The following IBTK variants were observed in gnomAD, a reference collection of about 807,000 sequenced individuals.
The protein encoded by IBTK is inhibitor of Bruton tyrosine kinase.
IBTK carries 83 observed loss-of-function variants against 154.9 expected under a neutral mutation model. The ratio of observed to expected loss-of-function variants is 0.54; its 90% CI spans 0.45 to 0.64. The LOEUF (loss-of-function observed/expected upper bound fraction) is 0.64, where lower values mean the gene tolerates loss of function less well. IBTK is among the 30% of genes least tolerant of loss of function. The pLI is 0.00. For synonymous variants in IBTK, 515 were observed against 536.1 expected, an observed-to-expected ratio of 0.96 and a Z score of 0.54; for missense variants, 1,332 against 1,584.6, an observed-to-expected ratio of 0.84 and a Z score of 2.71.
chr6:82,201,791 C>G (rs1769221340), intron 18 of IBTK, among the ~76,000 whole-genome samples: 1 of 151,734 alleles, frequency 6.6e-6, no homozygotes, highest in African/African-American at 2.4e-5. Context: ...GGTGCAATCT[C>G]AGCTCACTGC....
At chr6:82,206,455 C>T (rs1341271146) in intron 16 of IBTK, among the ~76,000 whole-genome samples, 1 of 152,056 alleles carries the variant, frequency 6.6e-6, no homozygotes, top group African/African-American at 2.4e-5. Context: ...AAGAAGAGTC[C>T]AGGACCAGAT....
At chr6:82,172,648 G>A in intron 27 of IBTK, 136 bp from the exon 28 acceptor site, 1 of 660,348 alleles carries the variant, frequency 1.5e-6, no homozygotes. Context: ...CTTTCACAGA[G>A]ATTACAGAAT....
intron 26 of IBTK, among the ~76,000 whole-genome samples, chr6:82,181,032 T>A (rs1285084275): frequency 2.0e-5 from 3 of 152,196 alleles, no homozygotes; most frequent in Admixed American, 6.5e-5. Context: ...GATTTTGATG[T>A]TTCATGTAGG....
intron 20 of IBTK, 131 bp from the exon 21 acceptor site, chr6:82,200,384 C>T: frequency 1.3e-6 from 1 of 750,118 alleles, no homozygotes; most frequent in Non-Finnish European, 2.2e-6. Flanking sequence ...GTTAGACCTA[C>T]AGATATTAAT....
chr6:82,193,899 G>A (rs570492047), intron 23 of IBTK, among the ~76,000 whole-genome samples: 34 of 151,844 alleles, frequency 2.2e-4, no homozygotes, highest in African/African-American at 8.0e-4. Context: ...CCAGGCTAGT[G>A]TCGAACTCCT....
intron 26 of IBTK, among the ~76,000 whole-genome samples, chr6:82,177,297 C>T (rs974544745): frequency 2.7e-4 from 41 of 152,286 alleles, no homozygotes; most frequent in Middle Eastern, 3.4e-3. Flanking sequence ...GCAACTTCCA[C>T]CTCCTGGGTT....
Position 82,185,684 on chromosome 6 carries a change from A to T in IBTK, c.3576-3656T>A, listed in dbSNP as rs180994083. Among the ~76,000 whole-genome samples the T allele has an allele frequency of 1.6e-3, 248 of 152,096 alleles. 1 individual carries two copies. Among genetic ancestry groups the T allele is most frequent in the African/African-American group, 5.5e-3 (230 of 41,496 alleles). On this transcript the variant is annotated intron_variant, in intron 25 of 28. Transcript: ENST00000306270. ...TAAAAATCAAGTGATATACTGAATT[A>T]TGTGGCTATCTCATAATTTTATAAT...
chr6:82,193,642 A>G (rs772140887), intron 23 of IBTK, among the ~76,000 whole-genome samples: 1 of 152,188 alleles, frequency 6.6e-6, no homozygotes, highest in Non-Finnish European at 1.5e-5. Flanking sequence ...ACATTTTGAA[A>G]GAATACTACA....
intron 3 of IBTK, among the ~76,000 whole-genome samples, chr6:82,232,998 C>A (rs890506017): frequency 6.6e-6 from 1 of 151,836 alleles, no homozygotes; most frequent in African/African-American, 2.4e-5. Flanking sequence ...ACTAAAAATA[C>A]AAAATTAGCT....
intron 21 of IBTK, among the ~76,000 whole-genome samples, chr6:82,198,140 T>C (rs939080388): frequency 6.6e-6 from 1 of 152,212 alleles, no homozygotes; most frequent in Non-Finnish European, 1.5e-5. Flanking sequence ...TAATGTCTCT[T>C]CTAGCTCTGA....
chr6:82,188,093 AC>A (rs1768620695), intron 25 of IBTK, among the ~76,000 whole-genome samples: 1 of 152,178 alleles, frequency 6.6e-6, no homozygotes, highest in African/African-American at 2.4e-5. Flanking sequence ...GAGATAACCA[AC>A]ATATGGGGAG....
At chr6:82,224,873 C>A (rs967316893) in intron 6 of IBTK, among the ~76,000 whole-genome samples, 5 of 152,236 alleles carry the variant, frequency 3.3e-5, no homozygotes, top group African/African-American at 9.6e-5. Flanking sequence ...AATATCTGGA[C>A]CTCCCTTTGC....
At chr6:82,198,497 C>T (rs1008911051) in intron 21 of IBTK, among the ~76,000 whole-genome samples, 3 of 151,970 alleles carry the variant, frequency 2.0e-5, no homozygotes, top group Admixed American at 2.0e-4. Context: ...CTATTCTTGA[C>T]ATTATTCCTT....
At chr6:82,228,803 G>C (rs912590629) in intron 4 of IBTK, among the ~76,000 whole-genome samples, 3 of 151,590 alleles carry the variant, frequency 2.0e-5, no homozygotes, top group Non-Finnish European at 4.4e-5. Flanking sequence ...TTATATTTTT[G>C]GTAGAGATGG....
chr6:82,217,765 G>C (rs1408779819), intron 10 of IBTK, among the ~76,000 whole-genome samples, 195 bp downstream of exon 10: 1 of 152,102 alleles, frequency 6.6e-6, no homozygotes, highest in African/African-American at 2.4e-5. Context: ...CAAAGGCTAA[G>C]GATATAGACG....
chr6:82,197,521 C>T (rs1414215446), intron 21 of IBTK, among the ~76,000 whole-genome samples: 3 of 152,056 alleles, frequency 2.0e-5, no homozygotes, highest in African/African-American at 7.2e-5. Context: ...AGGCATGCAC[C>T]ACCATGCCCG....
intron 26 of IBTK, chr6:82,174,981 C>T (rs183707491): frequency 2.2e-5 from 10 of 455,962 alleles, no homozygotes; most frequent in Non-Finnish European, 4.0e-5. Flanking sequence ...TCAAATGTCA[C>T]CTTCTCTCTC....
At chr6:82,224,711 T>C (rs1477944711) in intron 6 of IBTK, among the ~76,000 whole-genome samples, 1 of 152,206 alleles carries the variant, frequency 6.6e-6, no homozygotes, top group Non-Finnish European at 1.5e-5. Flanking sequence ...AACATCAACT[T>C]GTCACGTGTG....
At chr6:82,196,999 T>C (rs751564335) in intron 21 of IBTK, among the ~76,000 whole-genome samples, 2 of 152,152 alleles carry the variant, frequency 1.3e-5, no homozygotes, top group African/African-American at 4.8e-5. Flanking sequence ...TCTCTGGCTA[T>C]TGAGAGCTCG....
Sources: allele counts gnomAD v4.1 joint callset (sites outside exome capture counted in the v4.1 genomes callset), GRCh38; gene constraint gnomAD v4.1.1; transcripts MANE v1.5; gene names NCBI Gene and HGNC (gene_info 2026-07-23, HGNC 2026-07-21).